The following RBM47 variants were observed in gnomAD, a reference collection of about 807,000 sequenced individuals.
RBM47 encodes RNA-binding protein 47.
RBM47 carries 21 observed loss-of-function variants against 47.1 expected under a neutral mutation model. The ratio of observed to expected loss-of-function variants is 0.45; its 90% CI spans 0.32 to 0.64. RBM47 has a LOEUF of 0.64. RBM47 is among the 30% of genes least tolerant of loss of function. RBM47 has a pLI of 0.05. For synonymous variants in RBM47, 375 were observed against 361.7 expected, an observed-to-expected ratio of 1.04 and a Z score of -0.42; for missense variants, 708 against 870.9, an observed-to-expected ratio of 0.81 and a Z score of 2.35.
intron 1 of RBM47, among the ~76,000 whole-genome samples, chr4:40,618,768 C>G (rs1047384133): frequency 2.9e-5 from 4 of 138,336 alleles, no homozygotes; most frequent in Non-Finnish European, 4.5e-5. Flanking sequence ...ATGATCAAGC[C>G]ACTGCACTCC....
In RBM47 at chr4:40,468,800, T is replaced by C. The variant is rs371340273; in HGVS notation, c.-154-2101A>G. Among the ~76,000 whole-genome samples the C allele has an allele frequency of 1.2e-4, 18 of 152,350 alleles. 1 individual carries two copies. The South Asian group carries it at 2.7e-3, about 23-fold the overall frequency. On this transcript the variant is annotated intron_variant, in intron 2 of 6. Transcript: ENST00000295971. ...GCTGTTAAAATGATTTACGTTTTAA[T>C]ACACATAATCTTTACCCAACTCTGT...
chr4:40,630,055 C>T (rs1323529001), upstream of RBM47: 1 of 152,432 alleles, frequency 6.6e-6, no homozygotes, highest in Admixed American at 6.5e-5. Context: ...GCTGAGCCTC[C>T]CCTGGCTAAA....
chr4:40,448,283 G>A (rs1028349877), intron 3 of RBM47, among the ~76,000 whole-genome samples: 11 of 150,830 alleles, frequency 7.3e-5, no homozygotes, highest in East Asian at 5.8e-4. Flanking sequence ...GTGTGTGAGT[G>A]TGAGTGTGTG....
At chr4:40,473,409 T>C (rs1205863179) in intron 2 of RBM47, among the ~76,000 whole-genome samples, 1 of 152,202 alleles carries the variant, frequency 6.6e-6, no homozygotes, top group East Asian at 1.9e-4. Context: ...AAATCTGTGC[T>C]ATAACAAAAA....
chr4:40,612,711 T>A (rs1372635384), intron 1 of RBM47, among the ~76,000 whole-genome samples: 1 of 152,168 alleles, frequency 6.6e-6, no homozygotes, highest in African/African-American at 2.4e-5. Flanking sequence ...TCAGTACACA[T>A]CATTTTCCCA....
At chr4:40,490,754 A>G (rs1394021707) in intron 2 of RBM47, among the ~76,000 whole-genome samples, 1 of 152,082 alleles carries the variant, frequency 6.6e-6, no homozygotes, top group Non-Finnish European at 1.5e-5. Flanking sequence ...TCAAAAAAAA[A>G]AGAGAGAAAA....
chr4:40,488,052 T>C (rs939310094), intron 2 of RBM47, among the ~76,000 whole-genome samples: 9 of 152,174 alleles, frequency 5.9e-5, no homozygotes, highest in Admixed American at 2.0e-4. Flanking sequence ...CTGGGCACGG[T>C]GGCTCACACC....
At position 40,425,815 on chromosome 4, in the gene RBM47, G is replaced by GT; in HGVS notation, c.*88dup. ...AACATTCTTCACTTTCAGGTTGCAT[G>GT]TGTGAATCCAACATGTTCCTTCTTC... On this transcript the variant is annotated 3_prime_UTR_variant, in exon 7 of 7. Coordinates refer to ENST00000295971, the MANE Select transcript of RBM47 (RefSeq NM_001098634.2). 1 of 1,491,572 alleles carries GT rather than the reference G, an allele frequency of 6.7e-7. No homozygotes were observed. The highest frequency in any genetic ancestry group is 9.1e-7 in the Non-Finnish European group (1 of 1,097,662). 92.4% of individuals were successfully genotyped at this position (1,491,572 alleles called of 1,614,324 possible). A position where few individuals can be genotyped will look rare whatever the true frequency, so the allele number is the denominator to read the frequency against.
At chr4:40,483,200 G>A (rs913320867) in intron 2 of RBM47, among the ~76,000 whole-genome samples, 9 of 152,160 alleles carry the variant, frequency 5.9e-5, no homozygotes, top group African/African-American at 1.7e-4. Flanking sequence ...AAATCGTTTC[G>A]ACACAATGAG....
chr4:40,423,293 A>G lies in RBM47; in HGVS notation c.*2611T>C, dbSNP rs1046620695. On this transcript the variant is annotated 3_prime_UTR_variant, in exon 7 of 7. Coordinates refer to ENST00000295971, the MANE Select transcript of RBM47 (RefSeq NM_001098634.2). ...AAGGTCTTGCGATTGCTTTAAAGAA[A>G]GCTTTATTTACTACATACATCCTAA... The G allele has an allele frequency of 1.3e-5, 2 of 152,264 alleles. No homozygotes were observed. Among genetic ancestry groups the G allele is most frequent in the Non-Finnish European group, 2.9e-5 (2 of 68,040 alleles). The allele number at this position is 152,264 out of a possible 1,614,324, so 9.4% of individuals were successfully genotyped here. A position where few individuals can be genotyped will look rare whatever the true frequency, so the allele number is the denominator to read the frequency against.
chr4:40,495,580 T>C (rs1011390110), intron 2 of RBM47, among the ~76,000 whole-genome samples: 2 of 151,684 alleles, frequency 1.3e-5, no homozygotes, highest in African/African-American at 4.8e-5. Context: ...CCAGCCTGGG[T>C]GACAAGAGTG....
At chr4:40,603,827 C>T (rs1176149385) in intron 1 of RBM47, among the ~76,000 whole-genome samples, 1 of 152,176 alleles carries the variant, frequency 6.6e-6, no homozygotes, top group Non-Finnish European at 1.5e-5. Flanking sequence ...GTCTCGAGCT[C>T]CTGAGCTCAA....
At position 40,432,711 on chromosome 4, in the gene RBM47, G is replaced by A. The variant is rs768665539; in HGVS notation, c.1482C>T (p.Ala494=). 40 of 1,607,234 alleles carry A rather than the reference G, an allele frequency of 2.5e-5. 1 individual carries two copies. The highest frequency in any genetic ancestry group is 8.4e-5 in the Admixed American group (5 of 59,596). ...PDPASAAAAA[A]AAAAAAAAVI... The stretch of plus-strand genomic sequence containing the variant: ...CAGCGGCTGCGGCGGCTGCGGCCGC[G>A]GCTGCGGCGGCAGCAGCACTGGCTG... Residue 494 remains alanine (A), a synonymous_variant, in exon 6 of 7, where the codon GCC becomes GCT. Transcript: ENST00000295971.
At chr4:40,545,887 A>G (rs530241416) in intron 1 of RBM47, among the ~76,000 whole-genome samples, 1 of 152,008 alleles carries the variant, frequency 6.6e-6, no homozygotes, top group South Asian at 2.1e-4. Flanking sequence ...GCCTAATAGT[A>G]CCCATTTGTT....
chr4:40,576,629 A>G (rs184878666), intron 1 of RBM47, among the ~76,000 whole-genome samples: 108 of 152,244 alleles, frequency 7.1e-4, no homozygotes, highest in Admixed American at 2.0e-3. Context: ...GTGCAGTGGC[A>G]TGATCATGGA....
At chr4:40,464,685 G>A (rs1717697305) in intron 3 of RBM47, among the ~76,000 whole-genome samples, 1 of 151,490 alleles carries the variant, frequency 6.6e-6, no homozygotes, top group South Asian at 2.1e-4. Context: ...GGATCACGAG[G>A]TCAGGAGATC....
chr4:40,472,086 G>T (rs1383215709), intron 2 of RBM47, among the ~76,000 whole-genome samples: 1 of 152,102 alleles, frequency 6.6e-6, no homozygotes, highest in Non-Finnish European at 1.5e-5. Flanking sequence ...TATAGTAATT[G>T]CTGTAATGCT....
chr4:40,612,255 G>A (rs1335791420), intron 1 of RBM47, among the ~76,000 whole-genome samples: 1 of 152,166 alleles, frequency 6.6e-6, no homozygotes, highest in South Asian at 2.1e-4. Context: ...TAGATGGCCG[G>A]GTGCAGTGGC....
chr4:40,528,130 G>T (rs868487842), intron 2 of RBM47, among the ~76,000 whole-genome samples: 11 of 152,124 alleles, frequency 7.2e-5, no homozygotes, highest in African/African-American at 2.7e-4. Flanking sequence ...GAAATGTTTT[G>T]GGCCAGGTGT....
Sources: gnomAD v4.1 joint callset for allele counts (sites outside exome capture counted in the v4.1 genomes callset) on GRCh38, gnomAD v4.1.1 for gene constraint, MANE v1.5 for transcripts, NCBI Gene and HGNC (gene_info 2026-07-23, HGNC 2026-07-21) for gene names.